HELZ: variants seen among roughly 807,000 people sequenced by gnomAD.
HELZ encodes the protein ATP-dependent RNA helicase with zinc finger domain.
In HELZ, 23 loss-of-function variants were observed where a neutral mutation model predicts 218.2. The ratio of observed to expected loss-of-function variants is 0.11; its 90% CI spans 0.08 to 0.15. The LOEUF is 0.15. Ranked by LOEUF, HELZ falls within the 10% of genes least tolerant of loss-of-function variation. The pLI is 1.00. For synonymous variants in HELZ, 814 were observed against 829.4 expected (o/e 0.98, Z 0.32); for missense variants, 1,813 against 2,353.7 (o/e 0.77, Z 4.75).
At chr17:67,104,035 C>A (rs1024075915) in intron 31 of HELZ, among the ~76,000 whole-genome samples, 2 of 152,098 alleles carry the variant, frequency 1.3e-5, no homozygotes, top group Admixed American at 6.5e-5. Flanking sequence ...AACTGTATGG[C>A]CACATGCAAA....
intron 24 of HELZ, among the ~76,000 whole-genome samples, chr17:67,127,322 C>T (rs919717836): frequency 6.6e-6 from 1 of 152,180 alleles, no homozygotes; most frequent in African/African-American, 2.4e-5. Flanking sequence ...GATAAATAAA[C>T]AGCTAATACA....
At chr17:67,149,728 C>T in intron 19 of HELZ, 139 bp downstream of exon 19, 1 of 425,008 alleles carries the variant, frequency 2.4e-6, no homozygotes, top group Admixed American at 4.2e-5. Context: ...CAGTATTTTT[C>T]ACTATTAGTA....
intron 13 of HELZ, among the ~76,000 whole-genome samples, chr17:67,170,784 G>A (rs148792427): frequency 0.014 from 2,100 of 147,300 alleles, 22 homozygotes; most frequent in Non-Finnish European, 0.021. Context: ...CTGAGATAGC[G>A]ACACCGCACT....
chr17:67,223,810 AAAC>A (rs2040816904), intron 3 of HELZ, among the ~76,000 whole-genome samples: 1 of 152,222 alleles, frequency 6.6e-6, no homozygotes, highest in African/African-American at 2.4e-5. Flanking sequence ...AATTTCCTTT[AAAC>A]TCCTATCCCT....
chr17:67,154,180 C>T (rs1388580481), intron 17 of HELZ, among the ~76,000 whole-genome samples: 1 of 152,236 alleles, frequency 6.6e-6, no homozygotes, highest in Non-Finnish European at 1.5e-5. Context: ...ATAATCCAAG[C>T]ACTTTGGAAG....
intron 12 of HELZ, among the ~76,000 whole-genome samples, chr17:67,180,696 G>A (rs975882959): frequency 3.3e-5 from 5 of 152,148 alleles, no homozygotes; most frequent in Middle Eastern, 3.4e-3. Context: ...TGAGCAACAC[G>A]GTGAAACCCA....
chr17:67,155,920 A>G (rs1214189806), intron 17 of HELZ, among the ~76,000 whole-genome samples: 1 of 150,510 alleles, frequency 6.6e-6, no homozygotes, highest in South Asian at 2.1e-4. Flanking sequence ...TGATATATGT[A>G]TGTGTGTGTG....
At chr17:67,209,293 A>C (rs896619199) in intron 5 of HELZ, among the ~76,000 whole-genome samples, 4 of 152,010 alleles carry the variant, frequency 2.6e-5, no homozygotes, top group Non-Finnish European at 5.9e-5. Flanking sequence ...AGGAGATAAA[A>C]ACATCTGCAA....
intron 12 of HELZ, chr17:67,179,850 A>C (rs1189142077): frequency 6.6e-6 from 1 of 152,256 alleles, no homozygotes; most frequent in Non-Finnish European, 1.5e-5. Context: ...AGGAAGAAAT[A>C]ATTAAAAGTT....
chr17:67,208,482 G>A (rs1330407225), intron 5 of HELZ, among the ~76,000 whole-genome samples: 2 of 151,922 alleles, frequency 1.3e-5, no homozygotes, highest in Admixed American at 1.3e-4. Context: ...AGGGTACGTG[G>A]GACCTCTCTG....
At chr17:67,227,711 A>G (rs2040932569) in intron 3 of HELZ, among the ~76,000 whole-genome samples, 1 of 152,248 alleles carries the variant, frequency 6.6e-6, no homozygotes, top group African/African-American at 2.4e-5. Flanking sequence ...GTCCAGGACC[A>G]AAAGTAAATG....
intron 23 of HELZ, among the ~76,000 whole-genome samples, chr17:67,135,519 T>C (rs2038123290): frequency 6.6e-6 from 1 of 152,202 alleles, no homozygotes; most frequent in South Asian, 2.1e-4. Context: ...AATCACAAGC[T>C]AGTCTGCACC....
chr17:67,130,540 A>G (rs1176136017), intron 23 of HELZ, among the ~76,000 whole-genome samples: 2 of 152,158 alleles, frequency 1.3e-5, no homozygotes, highest in Non-Finnish European at 2.9e-5. Context: ...GCCAGGAAAT[A>G]CATGCTGAAA....
intron 32 of HELZ, among the ~76,000 whole-genome samples, chr17:67,085,043 G>A (rs571818712): frequency 6.6e-6 from 1 of 151,900 alleles, no homozygotes; most frequent in East Asian, 1.9e-4. Context: ...GATGGCGGAG[G>A]TTGCAGTGAG....
intron 32 of HELZ, among the ~76,000 whole-genome samples, chr17:67,080,170 CTG>C (rs1159284066): frequency 1.3e-5 from 2 of 152,098 alleles, no homozygotes; most frequent in Non-Finnish European, 2.9e-5. Context: ...AAAGATATAA[CTG>C]TTCATTTATT....
At chr17:67,209,876 T>C (rs907019931) in intron 5 of HELZ, among the ~76,000 whole-genome samples, 1 of 152,068 alleles carries the variant, frequency 6.6e-6, no homozygotes, top group Non-Finnish European at 1.5e-5. Flanking sequence ...TCACTAAATA[T>C]TTTTTCCAAA....
At chr17:67,144,688 C>T (rs1308800443) in intron 21 of HELZ, among the ~76,000 whole-genome samples, 2 of 151,940 alleles carry the variant, frequency 1.3e-5, no homozygotes, top group Admixed American at 6.6e-5. Flanking sequence ...CTGATGTCAC[C>T]GCAGGGCCAC....
chr17:67,073,447 AT>A lies in HELZ; in HGVS notation c.*4804del, dbSNP rs1203867120. The A allele has an allele frequency of 1.3e-5, 2 of 152,630 alleles. No individual in the cohort carries two copies. Among genetic ancestry groups the A allele is most frequent in the African/African-American group, 4.8e-5 (2 of 41,470 alleles). The allele number at this position is 152,630 out of a possible 1,614,324, so 9.5% of individuals were successfully genotyped here. On this transcript the variant is annotated 3_prime_UTR_variant, in exon 33 of 33. Coordinates refer to ENST00000358691, the MANE Select transcript of HELZ (RefSeq NM_014877.4). Reference sequence around the variant, plus strand: ...AAAATAAAATCTCTCTGTTGAACAAATTGCAAATAAAGTCTGGTCTAATACT... The same window carrying A: ...AAAATAAAATCTCTCTGTTGAACAAATGCAAATAAAGTCTGGTCTAATACT...
chr17:67,209,242 A>G (rs1378156538), intron 5 of HELZ, among the ~76,000 whole-genome samples: 6 of 152,104 alleles, frequency 3.9e-5, no homozygotes, highest in African/African-American at 1.4e-4. Context: ...CTAGAATAAT[A>G]CAGTTCTTTT....
Sources: allele counts gnomAD v4.1 joint callset (sites outside exome capture counted in the v4.1 genomes callset), GRCh38; gene constraint gnomAD v4.1.1; transcripts MANE v1.5; gene names NCBI Gene and HGNC (gene_info 2026-07-23, HGNC 2026-07-21).